VCPKMT: variants seen among roughly 807,000 people sequenced by gnomAD.
VCPKMT encodes the protein protein N-lysine methyltransferase METTL21D.
In VCPKMT, 32 loss-of-function variants were observed where a neutral mutation model predicts 28.6. That is an observed-to-expected ratio of 1.12 (90% CI 0.84 to 1.50). The LOEUF is 1.50. Ranked by LOEUF, VCPKMT falls within the 40% of genes most tolerant of loss-of-function variation. VCPKMT has a pLI of 0.00. For synonymous variants in VCPKMT, 138 were observed against 111.4 expected (o/e 1.24, Z -1.50); for missense variants, 366 against 285.0 (o/e 1.28, Z -2.05).
intron 4 of VCPKMT, chr14:50,113,458 A>G (rs1365989243): frequency 6.6e-6 from 1 of 152,208 alleles, no homozygotes; most frequent in South Asian, 2.1e-4. Context: ...GTACCCTCAA[A>G]AGGAGTCACT....
In VCPKMT at chr14:50,114,449, T is replaced by G. The variant is rs146003592; in HGVS notation, c.451-45A>C. 2.6e-4 allele frequency: 358 copies of G among 1,367,146 alleles called. 3 individuals are homozygous for G. In the African/African-American group the frequency reaches 3.6e-3, roughly 14 times the overall value. 84.7% of individuals were successfully genotyped at this position (1,367,146 alleles called of 1,614,324 possible). A position where few individuals can be genotyped will look rare whatever the true frequency, so the allele number is the denominator to read the frequency against. On this transcript the variant is annotated intron_variant, in intron 3 of 5. Coordinates refer to ENST00000395860, the MANE Select transcript of VCPKMT (RefSeq NM_024558.3). ...TTTTTTGTTTTTGATTTAAAAATTTTTCTACTCTAAAAGTAGGTTGAGGAG... is the reference window on the plus strand; with the variant it reads ...TTTTTTGTTTTTGATTTAAAAATTTGTCTACTCTAAAAGTAGGTTGAGGAG...
intron 5 of VCPKMT, chr14:50,111,973 G>A: frequency 1.0e-6 from 1 of 985,282 alleles, no homozygotes; most frequent in Non-Finnish European, 1.2e-6. Flanking sequence ...TGCATAAAAT[G>A]TGATTGTTAT....
downstream of VCPKMT, chr14:50,106,456 T>C (rs1882322636): frequency 4.2e-6 from 3 of 711,088 alleles, no homozygotes; most frequent in Non-Finnish European, 5.2e-6. Flanking sequence ...CCATTGCACT[T>C]GCCTTTTAAA....
In VCPKMT at chr14:50,115,725, T is replaced by C. The variant is rs536410340; in HGVS notation, c.450+114A>G. ...TTTATCTTCTCTTTACTGCATCAAC[T>C]ATAAGGCAAATCCCGGATTCAAAGA... On this transcript the variant is annotated intron_variant, in intron 3 of 5. Coordinates refer to ENST00000395860, the MANE Select transcript of VCPKMT (RefSeq NM_024558.3). 15 of 1,267,514 alleles carry C rather than the reference T, an allele frequency of 1.2e-5. No homozygotes were observed. The South Asian group carries it at 2.0e-4, about 17-fold the overall frequency. The allele number at this position is 1,267,514 out of a possible 1,614,324, so 78.5% of individuals were successfully genotyped here.
In VCPKMT at chr14:50,109,449, T is replaced by C; in HGVS notation, c.*250A>G. On this transcript the variant is annotated 3_prime_UTR_variant, in exon 6 of 6. Transcript: ENST00000395860. ...TTATTTGAATAACTGATTCCCAACATTTAAGAAGAACTTGATGCTGAACTA... is the reference window on the plus strand; with the variant it reads ...TTATTTGAATAACTGATTCCCAACACTTAAGAAGAACTTGATGCTGAACTA... 2 of 1,212,958 alleles carry C rather than the reference T, an allele frequency of 1.6e-6. No homozygotes were observed. The highest frequency in any genetic ancestry group is 1.0e-6 in the Non-Finnish European group (1 of 975,608). The allele number at this position is 1,212,958 out of a possible 1,614,324, so 75.1% of individuals were successfully genotyped here.
intron 3 of VCPKMT, among the ~76,000 whole-genome samples, chr14:50,115,350 C>T (rs1883060873): frequency 6.6e-6 from 1 of 152,048 alleles, no homozygotes; most frequent in African/African-American, 2.4e-5. Context: ...CAGGGTTTTG[C>T]CATGTAGGTC....
In VCPKMT at chr14:50,116,180, C is replaced by T; in HGVS notation, c.267-1G>A. ...AAGATCGGTGACTACAACATCAGCC[C>T]TATAAAATAACGTCGACTGAGGTGT... On this transcript the variant is annotated splice_acceptor_variant, in intron 1 of 5. Transcript: ENST00000395860. LOFTEE classifies it high-confidence loss of function. The T allele has an allele frequency of 6.2e-7, 1 of 1,614,070 alleles. No homozygotes were observed. Among genetic ancestry groups the T allele is most frequent in the South Asian group, 1.1e-5 (1 of 91,072 alleles).
At chr14:50,106,047 C>T (rs965027126), downstream of VCPKMT, among the ~76,000 whole-genome samples, 1 of 143,540 alleles carries the variant, frequency 7.0e-6, no homozygotes, top group Non-Finnish European at 1.6e-5. Flanking sequence ...TATATACTTT[C>T]TTCTTTCTTT....
Position 50,109,444 on chromosome 14 carries a change from C to A in VCPKMT, c.*255G>T. Reference sequence around the variant, plus strand: ...AATTTTTATTTGAATAACTGATTCCCAACATTTAAGAAGAACTTGATGCTG... The same window carrying A: ...AATTTTTATTTGAATAACTGATTCCAAACATTTAAGAAGAACTTGATGCTG... On this transcript the variant is annotated 3_prime_UTR_variant, in exon 6 of 6. Transcript: ENST00000395860. The A allele has an allele frequency of 8.3e-7, 1 of 1,204,344 alleles. No individual in the cohort carries two copies. The highest frequency in any genetic ancestry group is 1.0e-6 in the Non-Finnish European group (1 of 970,474). 74.6% of individuals were successfully genotyped at this position (1,204,344 alleles called of 1,614,324 possible).
downstream of VCPKMT, chr14:50,106,648 GA>G (rs1355749999): frequency 1.0e-6 from 1 of 985,084 alleles, no homozygotes; most frequent in African/African-American, 1.7e-5. Flanking sequence ...AATCCAGCCA[GA>G]AAGAGAAATA....
chr14:50,116,242 C>G, intron 1 of VCPKMT, 45 bp downstream of exon 1: 2 of 1,611,502 alleles, frequency 1.2e-6, no homozygotes, highest in Non-Finnish European at 1.7e-6. Flanking sequence ...CGGATTTCCC[C>G]AGCAAGAAGG....
the VCPKMT span, among the ~76,000 whole-genome samples, chr14:50,103,028 T>G: frequency 6.6e-6 from 1 of 152,250 alleles, no homozygotes; most frequent in Admixed American, 6.5e-5. Flanking sequence ...TAAACCCTCT[T>G]AAAACATTAT....
downstream of VCPKMT, chr14:50,108,535 A>G (rs56191746): frequency 1.2e-3 from 1,078 of 882,052 alleles, 9 homozygotes; most frequent in African/African-American, 0.017. Flanking sequence ...TGATTTCTTG[A>G]CTTGTATCCT....
chr14:50,108,392 C>T (rs60842462), downstream of VCPKMT, among the ~76,000 whole-genome samples: 1,449 of 152,226 alleles, frequency 9.5e-3, 21 homozygotes, highest in African/African-American at 0.033. Flanking sequence ...TCACAAAGCA[C>T]CACAGATTTA....
At chr14:50,105,742 C>G (rs1431264616), downstream of VCPKMT, among the ~76,000 whole-genome samples, 1 of 152,172 alleles carries the variant, frequency 6.6e-6, no homozygotes, top group Non-Finnish European at 1.5e-5. Flanking sequence ...GTTATGCAAC[C>G]TCAAAGATGT....
chr14:50,112,395 GAAA>G (rs59968443), intron 5 of VCPKMT, among the ~76,000 whole-genome samples: 22 of 12,004 alleles, frequency 1.8e-3, no homozygotes, highest in Admixed American at 0.016. Context: ...AAAAATACGA[GAAA>G]AAAAAAAAAA....
chr14:50,104,032 A>C (rs920985471), downstream of VCPKMT, among the ~76,000 whole-genome samples: 2 of 152,240 alleles, frequency 1.3e-5, no homozygotes, highest in African/African-American at 4.8e-5. Context: ...ACATATGAGG[A>C]AACTGAGGCA....
chr14:50,103,368 T>C, the VCPKMT span, among the ~76,000 whole-genome samples: 25 of 152,370 alleles, frequency 1.6e-4, no homozygotes, highest in African/African-American at 5.0e-4. Context: ...CATTGCTCTT[T>C]TAGAGTTAAT....
chr14:50,104,207 AT>A (rs755700015), downstream of VCPKMT, among the ~76,000 whole-genome samples: 220 of 152,326 alleles, frequency 1.4e-3, 2 homozygotes, highest in Non-Finnish European at 2.4e-3. Flanking sequence ...TTTTAGGTTT[AT>A]CATTTGCAAA....
Sources: allele counts gnomAD v4.1 joint callset (sites outside exome capture counted in the v4.1 genomes callset), GRCh38; gene constraint gnomAD v4.1.1; transcripts MANE v1.5; gene names NCBI Gene and HGNC (gene_info 2026-07-23, HGNC 2026-07-21).